Variants in ARHGAP44 observed in about 807,000 individuals in gnomAD.
ARHGAP44 encodes the protein Rho GTPase activating protein 44.
A neutral mutation model predicts 106.8 loss-of-function variants in ARHGAP44; 43 were observed. The observed-to-expected ratio is 0.40, with a 90% CI of 0.32 to 0.52. ARHGAP44 has a LOEUF of 0.52. Ranked by LOEUF, ARHGAP44 falls within the 20% of genes least tolerant of loss-of-function variation. The pLI is 0.48. For synonymous variants in ARHGAP44, 439 were observed against 410.3 expected, an observed-to-expected ratio of 1.07 and a Z score of -0.85; for missense variants, 866 against 1,050.5, an observed-to-expected ratio of 0.82 and a Z score of 2.43.
At chr17:12,961,394 A>C (rs185622387) in intron 16 of ARHGAP44, among the ~76,000 whole-genome samples, 2 of 152,246 alleles carry the variant, frequency 1.3e-5, no homozygotes. Flanking sequence ...AATTTATTAC[A>C]TAATGTATTG....
At chr17:12,860,856 C>CTTTT (rs71144929) in intron 1 of ARHGAP44, among the ~76,000 whole-genome samples, 13 of 135,830 alleles carry the variant, frequency 9.6e-5, no homozygotes, top group African/African-American at 2.0e-4. Flanking sequence ...TTTTTCTATT[C>CTTTT]TTTTTTTTTT....
chr17:12,814,426 A>C (rs2034535136), intron 1 of ARHGAP44, among the ~76,000 whole-genome samples: 1 of 151,760 alleles, frequency 6.6e-6, no homozygotes. Context: ...TTTTTAGTAG[A>C]GACGGGGTTT....
chr17:12,956,833 T>G, intron 15 of ARHGAP44, 87 bp downstream of exon 15: 1 of 1,117,586 alleles, frequency 8.9e-7, no homozygotes, highest in Non-Finnish European at 1.3e-6. Flanking sequence ...CAAGTACCAC[T>G]GCCCACAGGC....
chr17:12,792,007 T>G (rs1473926189), intron 1 of ARHGAP44, among the ~76,000 whole-genome samples: 1 of 152,236 alleles, frequency 6.6e-6, no homozygotes. Context: ...TTGCCAGGGT[T>G]CTACAGGACC....
Position 12,929,002 on chromosome 17 carries a change from A to G in ARHGAP44, c.538A>G (p.Arg180Gly). The change falls in exon 7 of 21, where the codon AGG becomes GGG. Residue 180 changes from arginine (R) to glycine (G), a missense_variant. Physicochemically the swap from Arg to Gly is moderately radical, Grantham distance 125. Around this residue, in one of 2 missense-constraint regions of ARHGAP44, gnomAD observed 448 missense variants for 646.9 expected, o/e 0.69. Coordinates refer to ENST00000379672, the MANE Select transcript of ARHGAP44 (RefSeq NM_014859.6). The part of the protein sequence containing the change: ...QPAGAKADAL[R>G]EEMEEAANRV... ...TGCGGGTGCCAAGGCTGATGCCCTC[A>G]GGGAAGAAATGGAAGAGGCTGCCAA... is the stretch of plus-strand genomic sequence containing the variant. 1 of 1,613,386 alleles carries G rather than the reference A, an allele frequency of 6.2e-7. No individual in the cohort carries two copies. The highest frequency in any genetic ancestry group is 8.5e-7 in the Non-Finnish European group (1 of 1,179,658).
chr17:12,925,809 A>C lies in ARHGAP44; in HGVS notation c.465-3120A>C, dbSNP rs189788326. ...GTTTCTCCTCTGACAGAGCAGCCCA[A>C]CTCTTGAGTTTATGTGTAGAACAGA... On this transcript the variant is annotated intron_variant, in intron 6 of 20. Coordinates refer to ENST00000379672, the MANE Select transcript of ARHGAP44 (RefSeq NM_014859.6). Among the ~76,000 whole-genome samples, 286 of 152,220 alleles carry C rather than the reference A, an allele frequency of 1.9e-3. 1 individual carries two copies. Among genetic ancestry groups the C allele is most frequent in the African/African-American group, 6.5e-3 (271 of 41,554 alleles).
At position 12,969,525 on chromosome 17, in the gene ARHGAP44, G is replaced by A. The variant is rs2039475339; in HGVS notation, c.1524-3777G>A. Among the ~76,000 whole-genome samples, 4 of 152,196 alleles carry A rather than the reference G, an allele frequency of 2.6e-5. No homozygotes were observed. In the South Asian group the frequency reaches 8.3e-4, roughly 31 times the overall value. On this transcript the variant is annotated intron_variant, in intron 16 of 20. Transcript: ENST00000379672. ...CTCCATATTATAGAGTTAGTCATTG[G>A]AAAATCTAGGATTCATACCCAAATT...
intron 1 of ARHGAP44, among the ~76,000 whole-genome samples, chr17:12,842,451 AAAAG>A (rs1175529989): frequency 1.2e-4 from 15 of 125,400 alleles, no homozygotes; most frequent in African/African-American, 5.4e-4. Context: ...AAAAGAAAAG[AAAAG>A]AAAAAAATCA....
At chr17:12,946,644 C>G (rs1254084512) in intron 10 of ARHGAP44, among the ~76,000 whole-genome samples, 7 of 151,726 alleles carry the variant, frequency 4.6e-5, no homozygotes, top group African/African-American at 1.2e-4. Context: ...ACTAAAAATA[C>G]AAAAATTAGC....
intron 3 of ARHGAP44, among the ~76,000 whole-genome samples, chr17:12,904,356 T>C (rs1322069441): frequency 1.3e-5 from 2 of 152,208 alleles, no homozygotes; most frequent in Non-Finnish European, 2.9e-5. Context: ...TCTGCCCACG[T>C]TGGCCTCCCA....
intron 1 of ARHGAP44, among the ~76,000 whole-genome samples, chr17:12,841,229 G>A (rs2035381071): frequency 6.6e-6 from 1 of 152,172 alleles, no homozygotes; most frequent in African/African-American, 2.4e-5. Context: ...TGCTATGGAG[G>A]AAATTCACCT....
intron 18 of ARHGAP44, among the ~76,000 whole-genome samples, chr17:12,979,490 C>A (rs570412853): frequency 6.6e-6 from 1 of 152,220 alleles, no homozygotes; most frequent in Non-Finnish European, 1.5e-5. Context: ...GATTTCTGTC[C>A]ACCCTAGCTT....
intron 1 of ARHGAP44, among the ~76,000 whole-genome samples, chr17:12,856,170 A>T (rs1046548555): frequency 3.3e-5 from 5 of 152,118 alleles, no homozygotes; most frequent in Non-Finnish European, 5.9e-5. Context: ...GTATTCCTGT[A>T]GATTTTTCTG....
chr17:12,972,485 T>G (rs1388759978), intron 16 of ARHGAP44, among the ~76,000 whole-genome samples: 1 of 151,470 alleles, frequency 6.6e-6, no homozygotes, highest in Non-Finnish European at 1.5e-5. Flanking sequence ...CTGTCTCTAC[T>G]AAAAATACAA....
intron 16 of ARHGAP44, among the ~76,000 whole-genome samples, chr17:12,962,046 A>G (rs994228800): frequency 3.1e-4 from 47 of 151,912 alleles, no homozygotes; most frequent in African/African-American, 8.9e-4. Context: ...ATTAAAGCTC[A>G]TGTTATTGAA....
chr17:12,940,038 A>G (rs1463162890), intron 7 of ARHGAP44, among the ~76,000 whole-genome samples: 2 of 152,224 alleles, frequency 1.3e-5, no homozygotes, highest in Non-Finnish European at 2.9e-5. Flanking sequence ...ACTGAGGGTT[A>G]TGGGGTTGGT....
intron 1 of ARHGAP44, among the ~76,000 whole-genome samples, chr17:12,801,234 C>G (rs1458279007): frequency 1.3e-5 from 2 of 152,260 alleles, no homozygotes; most frequent in Admixed American, 1.3e-4. Context: ...CACTAGGAAT[C>G]TCATGCACAC....
rs868030532 is a variant in ARHGAP44 at position 12,966,092 on chromosome 17, G to C, written c.1523+7195G>C. Among the ~76,000 whole-genome samples the C allele has an allele frequency of 3.3e-5, 5 of 151,454 alleles. No individual in the cohort carries two copies. The South Asian group carries it at 6.3e-4, about 19-fold the overall frequency. On this transcript the variant is annotated intron_variant, in intron 16 of 20. Transcript: ENST00000379672. Reference sequence around the variant, plus strand: ...AACCCCTTGAGCCTGGGAGGTGGAGGCTGTAGAGAGCTGTGATAGTGTCAC... The same window carrying C: ...AACCCCTTGAGCCTGGGAGGTGGAGCCTGTAGAGAGCTGTGATAGTGTCAC...
chr17:12,989,101 C>CGAAAAAAAAAAAAAAAAAAAAAAAA, intron 20 of ARHGAP44, among the ~76,000 whole-genome samples: 1 of 45,164 alleles, frequency 2.2e-5, no homozygotes, highest in South Asian at 1.3e-3. Context: ...CCACCCCCCC[C>CGAAAAAAAAAAAAAAAAAAAAAAAA]AAAAAAAAAA....
Sources: allele counts gnomAD v4.1 joint callset (sites outside exome capture counted in the v4.1 genomes callset), GRCh38; gene constraint gnomAD v4.1.1; regional missense constraint gnomAD v4.1.1; transcripts MANE v1.5; gene names NCBI Gene and HGNC (gene_info 2026-07-23, HGNC 2026-07-21).